MTARC1: variants seen among roughly 807,000 people sequenced by gnomAD.
MTARC1 encodes mitochondrial amidoxime-reducing component 1.
MTARC1 carries 24 observed loss-of-function variants against 33.6 expected under a neutral mutation model. That is an observed-to-expected ratio of 0.72 (90% confidence interval 0.52 to 1.01). The LOEUF (loss-of-function observed/expected upper bound fraction) is 1.01. Ranked by LOEUF, MTARC1 falls within the 50% of genes least tolerant of loss-of-function variation. The pLI, the probability that MTARC1 is intolerant of heterozygous loss-of-function variation, is 0.00. For missense variants in MTARC1, 417 were observed against 445.7 expected (o/e 0.94, Z 0.58); for synonymous variants, 187 against 189.5 (o/e 0.99, Z 0.11).
At chr1:220,787,638 T>C (rs1341223963) in intron 1 of MTARC1, among the ~76,000 whole-genome samples, 2 of 152,110 alleles carry the variant, frequency 1.3e-5, no homozygotes, top group Non-Finnish European at 2.9e-5. Context: ...AGCTGAACTG[T>C]AGAGTCCAGC....
rs1384338398 is a variant in MTARC1 at position 220,814,419 on chromosome 1, C to G, written c.*1001C>G. 6.6e-5 allele frequency: 10 copies of G among 152,186 alleles called. No homozygotes were observed. Among genetic ancestry groups the G allele is most frequent in the Non-Finnish European group, 1.5e-4 (10 of 68,044 alleles). 9.4% of individuals were successfully genotyped at this position (152,186 alleles called of 1,614,324 possible). On this transcript the variant is annotated 3_prime_UTR_variant, in exon 7 of 7. Coordinates refer to ENST00000366910, the MANE Select transcript of MTARC1 (RefSeq NM_022746.4). ...TTCAGATCTTACTAACTTCTTGGCA[C>G]AAAGTTAGACTGTGAAAGCTGACTG...
intron 2 of MTARC1, chr1:220,794,491 A>T (rs1209862003): frequency 6.6e-6 from 1 of 152,102 alleles, no homozygotes; most frequent in Non-Finnish European, 1.5e-5. Context: ...TGGGAAAAGT[A>T]AAAAATTATT....
At chr1:220,802,096 C>T (rs1451571210) in intron 4 of MTARC1, among the ~76,000 whole-genome samples, 1 of 152,132 alleles carries the variant, frequency 6.6e-6, no homozygotes, top group Admixed American at 6.5e-5. Flanking sequence ...GCTGTTTGTC[C>T]TCATCCCTTA....
In MTARC1 at chr1:220,815,491, C is replaced by T. The variant is rs893147311; in HGVS notation, c.*2073C>T. On this transcript the variant is annotated 3_prime_UTR_variant, in exon 7 of 7. Transcript: ENST00000366910. Reference sequence around the variant, plus strand: ...CCACGTGGAAGGGAGCACCCAGAAACCCTCCTCACTGGGCAGACCTGTCCT... The same window carrying T: ...CCACGTGGAAGGGAGCACCCAGAAATCCTCCTCACTGGGCAGACCTGTCCT... 6.6e-6 allele frequency: 1 copy of T among 152,236 alleles called. No individual in the cohort carries two copies. Among genetic ancestry groups the T allele is most frequent in the Non-Finnish European group, 1.5e-5 (1 of 68,072 alleles). 9.4% of individuals were successfully genotyped at this position (152,236 alleles called of 1,614,324 possible). A position where few individuals can be genotyped will look rare whatever the true frequency, so the allele number is the denominator to read the frequency against.
intron 1 of MTARC1, among the ~76,000 whole-genome samples, chr1:220,788,776 C>T (rs376554892): frequency 2.1e-5 from 3 of 141,220 alleles, no homozygotes; most frequent in African/African-American, 7.8e-5. Context: ...CCAGTCTGAG[C>T]GACAGAGTGA....
At chr1:220,791,455 A>G (rs888053519) in intron 1 of MTARC1, 36 bp from the exon 2 acceptor site, 2 of 1,601,522 alleles carry the variant, frequency 1.2e-6, no homozygotes, top group Non-Finnish European at 1.7e-6. Context: ...TCCTGCCATA[A>G]TGGTTCACAC....
At position 220,815,172 on chromosome 1, in the gene MTARC1, C is replaced by G. The variant is rs967302112; in HGVS notation, c.*1754C>G. On this transcript the variant is annotated 3_prime_UTR_variant, in exon 7 of 7. Transcript: ENST00000366910. ...GATTGAGACAAAGCGAAGTGTTCAG[C>G]AAGTAGCATTACTAATGGGACCGGG... The G allele has an allele frequency of 6.6e-6, 1 of 152,256 alleles. No individual in the cohort carries two copies. Among genetic ancestry groups the G allele is most frequent in the Non-Finnish European group, 1.5e-5 (1 of 68,052 alleles). The allele number at this position is 152,256 out of a possible 1,614,324, so 9.4% of individuals were successfully genotyped here. A position where few individuals can be genotyped will look rare whatever the true frequency, so the allele number is the denominator to read the frequency against.
At chr1:220,797,745 A>C in intron 3 of MTARC1, 129 bp from the exon 4 acceptor site, 1 of 858,796 alleles carries the variant, frequency 1.2e-6, no homozygotes, top group Non-Finnish European at 1.8e-6. Context: ...TAAAAGAACA[A>C]GAGAACTACT....
intron 4 of MTARC1, among the ~76,000 whole-genome samples, chr1:220,800,157 G>A (rs987750683): frequency 5.3e-5 from 8 of 151,792 alleles, no homozygotes; most frequent in African/African-American, 1.5e-4. Context: ...TTCAGATCTC[G>A]GAGATTTCTT....
At chr1:220,787,289 C>A in intron 1 of MTARC1, 70 bp downstream of exon 1, 1 of 1,461,308 alleles carries the variant, frequency 6.8e-7, no homozygotes, top group Non-Finnish European at 9.0e-7. Context: ...GGGAGGAGCG[C>A]AGGGGAGGTC....
Position 220,813,437 on chromosome 1 carries a change from G to T in MTARC1, c.*19G>T, listed in dbSNP as rs1282969311. On this transcript the variant is annotated 3_prime_UTR_variant, in exon 7 of 7. Transcript: ENST00000366910. ...CCAGTAATGGGAACCGTATGTCCTGGAATATTAGATGCCTTTTAAAAATGT... is the reference window on the plus strand; with the variant it reads ...CCAGTAATGGGAACCGTATGTCCTGTAATATTAGATGCCTTTTAAAAATGT... 1.2e-6 allele frequency: 2 copies of T among 1,613,460 alleles called. No individual in the cohort carries two copies. Among genetic ancestry groups the T allele is most frequent in the Admixed American group, 1.7e-5 (1 of 59,890 alleles).
rs922096128 is a variant in MTARC1, at chr1:220,817,946, A to C, written c.*4528A>C. 2 of 152,310 alleles carry C rather than the reference A, an allele frequency of 1.3e-5. No individual in the cohort carries two copies. The highest frequency in any genetic ancestry group is 4.8e-5 in the African/African-American group (2 of 41,544). The allele number at this position is 152,310 out of a possible 1,614,324, so 9.4% of individuals were successfully genotyped here. ...GTTGCCTTCCACCCTACAAAGCAGA[A>C]TTACCTCAGAAGTCCTATGGCCCTG... On this transcript the variant is annotated 3_prime_UTR_variant, in exon 7 of 7. Transcript: ENST00000366910.
Position 220,796,645 on chromosome 1 carries a change from T to A in MTARC1, c.452T>A (p.Val151Glu). 1 of 1,596,942 alleles carries A rather than the reference T, an allele frequency of 6.3e-7. No homozygotes were observed. The highest frequency in any genetic ancestry group is 1.1e-5 in the South Asian group (1 of 88,660). ...PTTNAVHKCR[V>E]HGLEIEGRDC... ...CTTTGCTCCTGCTACCCCTGCAGAG[T>A]GCACGGCCTGGAGATAGAGGGCAGG... Residue 151 changes from valine (V) to glutamate (E), a missense_variant and splice_region_variant, in exon 3 of 7, where the codon GTG (valine) becomes GAG (glutamate). Val to Glu is a moderately radical substitution (Grantham distance 121). Transcript: ENST00000366910.
chr1:220,790,003 T>C (rs899680497), intron 1 of MTARC1, among the ~76,000 whole-genome samples: 33 of 152,218 alleles, frequency 2.2e-4, no homozygotes, highest in Non-Finnish European at 4.1e-4. Flanking sequence ...TGCACAACAC[T>C]GTGAATGTAC....
In MTARC1 at chr1:220,813,293, T is replaced by A. The variant is rs554124643; in HGVS notation, c.889T>A (p.Tyr297Asn). Residue 297 changes from tyrosine to asparagine, a missense_variant and splice_region_variant, in exon 7 of 7, where the codon TAT becomes AAT. By Grantham distance (143) the Tyr-to-Asn change is moderately radical (BLOSUM62 -2). Coordinates refer to ENST00000366910, the MANE Select transcript of MTARC1 (RefSeq NM_022746.4). ...CATCATGATCTTTTCCTATTGCAGT[T>A]ATCGCCAGTGTGACCCTTCAGAACG... The part of the protein sequence containing the change: ...RKEPLETLKS[Y>N]RQCDPSERKL... The A allele has an allele frequency of 2.1e-5, 34 of 1,614,078 alleles. No homozygotes were observed. The South Asian group carries it at 3.7e-4, about 18-fold the overall frequency.
In MTARC1 at chr1:220,791,531, G is replaced by A. The variant is rs1672419330; in HGVS notation, c.316G>A (p.Ala106Thr). The change falls in exon 2 of 7, where the codon GCT becomes ACT. Residue 106 changes from alanine to threonine, a missense_variant. Physicochemically the swap from Ala to Thr is moderately conservative, Grantham distance 58. Coordinates refer to ENST00000366910, the MANE Select transcript of MTARC1 (RefSeq NM_022746.4). The part of the protein sequence containing the change: ...VINQEGNMVT[A>T]RQEPRLVLIS... ...CAACCAGGAGGGAAACATGGTTACT[G>A]CTCGCCAGGAACCTCGCCTGGTCCT... The A allele has an allele frequency of 1.2e-6, 2 of 1,613,994 alleles. No homozygotes were observed. The highest frequency in any genetic ancestry group is 1.3e-5 in the African/African-American group (1 of 74,898).
chr1:220,789,711 C>CA (rs1467594150), intron 1 of MTARC1, among the ~76,000 whole-genome samples: 36 of 152,236 alleles, frequency 2.4e-4, no homozygotes, highest in African/African-American at 8.4e-4. Context: ...TATATACACA[C>CA]AATGGAATAT....
chr1:220,787,265 C>A, intron 1 of MTARC1, 46 bp downstream of exon 1: 2 of 1,522,502 alleles, frequency 1.3e-6, no homozygotes, highest in South Asian at 2.4e-5. Context: ...CGGCTCGGGG[C>A]AAGGGGGTGA....
At position 220,795,438 on chromosome 1, in the gene MTARC1, G is replaced by A. The variant is rs77770513; in HGVS notation, c.450-1205G>A. On this transcript the variant is annotated intron_variant, in intron 2 of 6. Coordinates refer to ENST00000366910, the MANE Select transcript of MTARC1 (RefSeq NM_022746.4). ...TTTGCATAACACCACGATGATAGTA[G>A]GCCAAACCATAAACCACCTGTACTC... 2.4e-4 allele frequency among the ~76,000 whole-genome samples: 37 copies of A among 152,238 alleles called. No homozygotes were observed. In the East Asian group the frequency reaches 6.9e-3, roughly 29 times the overall value.
Sources: allele counts gnomAD v4.1 joint callset (sites outside exome capture counted in the v4.1 genomes callset), GRCh38; gene constraint gnomAD v4.1.1; transcripts MANE v1.5; gene names NCBI Gene and HGNC (gene_info 2026-07-23, HGNC 2026-07-21).